CORIN: variants seen among roughly 807,000 people sequenced by gnomAD.
CORIN encodes atrial natriuretic peptide-converting enzyme.
CORIN carries 117 observed loss-of-function variants against 125.3 expected under a neutral mutation model. The ratio of observed to expected loss-of-function variants is 0.93; its 90% confidence interval spans 0.80 to 1.09. CORIN has a LOEUF of 1.09. Among genes scored for constraint, CORIN ranks in the 50% least tolerant of loss-of-function variants. The pLI, the probability that CORIN is intolerant of heterozygous loss-of-function variation, is 0.00. For missense variants in CORIN, 1,253 were observed against 1,306.7 expected, an observed-to-expected ratio of 0.96 and a Z score of 0.63; for synonymous variants, 450 against 466.4, an observed-to-expected ratio of 0.96 and a Z score of 0.45.
intron 5 of CORIN, among the ~76,000 whole-genome samples, chr4:47,705,413 G>A (rs1221664401): frequency 6.6e-6 from 1 of 152,198 alleles, no homozygotes; most frequent in African/African-American, 2.4e-5. Flanking sequence ...GGACCCAGAA[G>A]AGTGACAAGT....
rs945378928 is a variant in CORIN, at chr4:47,831,970, G to A, written c.63+5917C>T. 5.9e-5 allele frequency among the ~76,000 whole-genome samples: 9 copies of A among 152,200 alleles called. No individual in the cohort carries two copies. In the East Asian group the frequency reaches 9.6e-4, roughly 16 times the overall value. On this transcript the variant is annotated intron_variant, in intron 1 of 21. Transcript: ENST00000273857. ...GGATGAGTTCAAGAAGGGGTCCTAC[G>A]TAGTGAGGTGGAGTATTAGTTTTTA...
intron 10 of CORIN, among the ~76,000 whole-genome samples, chr4:47,673,097 G>A (rs1050864924): frequency 4.1e-4 from 63 of 152,026 alleles, no homozygotes; most frequent in Non-Finnish European, 5.3e-4. Flanking sequence ...GCAGTGGCTC[G>A]CGCCTGTAAG....
intron 19 of CORIN, 143 bp downstream of exon 19, chr4:47,623,426 CTT>C: frequency 1.2e-6 from 1 of 812,688 alleles, no homozygotes; most frequent in Non-Finnish European, 1.9e-6. Flanking sequence ...GGATAGAAAA[CTT>C]TAGGAAGATA....
At chr4:47,757,391 C>T (rs867028109) in intron 4 of CORIN, among the ~76,000 whole-genome samples, 1 of 151,900 alleles carries the variant, frequency 6.6e-6, no homozygotes, top group Non-Finnish European at 1.5e-5. Context: ...GTCAGAAGTT[C>T]GAGACCAGCC....
chr4:47,761,605 G>GT (rs2109867578), intron 4 of CORIN, among the ~76,000 whole-genome samples: 1 of 152,214 alleles, frequency 6.6e-6, no homozygotes, highest in South Asian at 2.1e-4. Flanking sequence ...GTTAAGTGGC[G>GT]TAAGTCAGGC....
chr4:47,775,463 G>A (rs1196161856), intron 3 of CORIN, among the ~76,000 whole-genome samples: 1 of 152,070 alleles, frequency 6.6e-6, no homozygotes, highest in Non-Finnish European at 1.5e-5. Context: ...GTGAGAACAT[G>A]GGGTGTTTGG....
intron 2 of CORIN, among the ~76,000 whole-genome samples, chr4:47,793,962 C>T (rs1220251413): frequency 6.6e-6 from 1 of 152,078 alleles, no homozygotes; most frequent in Non-Finnish European, 1.5e-5. Flanking sequence ...TTTAGACTAC[C>T]ATTTCAAAAA....
intron 1 of CORIN, among the ~76,000 whole-genome samples, chr4:47,835,520 G>T (rs2110000533): frequency 1.3e-5 from 2 of 152,278 alleles, no homozygotes; most frequent in South Asian, 4.1e-4. Context: ...AATAAGGAAA[G>T]GAGTACCTCA....
At chr4:47,690,238 G>A (rs942070944) in intron 6 of CORIN, among the ~76,000 whole-genome samples, 1 of 152,178 alleles carries the variant, frequency 6.6e-6, no homozygotes, top group Non-Finnish European at 1.5e-5. Flanking sequence ...ACAAGGACAA[G>A]TCAAAGGCAG....
intron 10 of CORIN, among the ~76,000 whole-genome samples, chr4:47,666,434 T>C (rs1411757362): frequency 2.0e-5 from 3 of 152,336 alleles, no homozygotes; most frequent in African/African-American, 7.2e-5. Context: ...ATATTGTCTC[T>C]GCCACTGAGG....
chr4:47,629,525 T>A (rs1046728472), intron 16 of CORIN, among the ~76,000 whole-genome samples: 21 of 152,194 alleles, frequency 1.4e-4, no homozygotes, highest in African/African-American at 5.1e-4. Flanking sequence ...TCGACAATTA[T>A]AAAATGATAA....
chr4:47,741,576 CACACAAAA>C (rs1728399422), intron 5 of CORIN, among the ~76,000 whole-genome samples: 2 of 152,002 alleles, frequency 1.3e-5, no homozygotes, highest in African/African-American at 4.8e-5. Flanking sequence ...ACAGTATGTC[CACACAAAA>C]ACACAAAATC....
chr4:47,654,332 T>C (rs73142019), intron 12 of CORIN, among the ~76,000 whole-genome samples: 27 of 139,684 alleles, frequency 1.9e-4, no homozygotes, highest in African/African-American at 6.6e-4. Context: ...CTGAACAGCA[T>C]CCACACAAAA....
chr4:47,752,227 T>C lies in CORIN; in HGVS notation c.618-7644A>G, dbSNP rs1728934933. On this transcript the variant is annotated intron_variant, in intron 4 of 21. Transcript: ENST00000273857. ...CCTGCTTTGCTATTTTCATTGCACTTATCACTATCCGCTAAACGAGTATTT... is the reference window on the plus strand; with the variant it reads ...CCTGCTTTGCTATTTTCATTGCACTCATCACTATCCGCTAAACGAGTATTT... Among the ~76,000 whole-genome samples, 4 of 152,166 alleles carry C rather than the reference T, an allele frequency of 2.6e-5. No individual in the cohort carries two copies. In the South Asian group the frequency reaches 8.3e-4, roughly 32 times the overall value.
At chr4:47,744,369 C>A (rs1264950036) in intron 5 of CORIN, 33 bp downstream of exon 5, 3 of 1,590,394 alleles carry the variant, frequency 1.9e-6, no homozygotes, top group African/African-American at 1.3e-5. Context: ...CAAATAAAAT[C>A]TTCTAAAAAT....
chr4:47,719,978 C>T (rs1012592919), intron 5 of CORIN, among the ~76,000 whole-genome samples: 49 of 152,122 alleles, frequency 3.2e-4, no homozygotes, highest in Non-Finnish European at 5.4e-4. Context: ...TTATTTGAAT[C>T]GGTTGTAGTA....
At position 47,623,117 on chromosome 4, in the gene CORIN, T is replaced by TATATATATACACAC. The variant is rs141525347; in HGVS notation, c.2540+453_2540+454insGTGTGTATATATAT. On this transcript the variant is annotated intron_variant, in intron 19 of 21. Coordinates refer to ENST00000273857, the MANE Select transcript of CORIN (RefSeq NM_006587.4). Reference sequence around the variant, plus strand: ...CTCTCTATATATATATATATATATATACACACACACACACACTCTCTCTGA... The same window carrying TATATATATACACAC: ...CTCTCTATATATATATATATATATATATATATATACACACACACACACACACACACTCTCTCTGA... Among the ~76,000 whole-genome samples, 179 of 134,402 alleles carry TATATATATACACAC rather than the reference T, an allele frequency of 1.3e-3. 1 individual carries two copies. The highest frequency in any genetic ancestry group is 0.013 in the East Asian group (54 of 4,264). The allele number at this position is 134,402 out of a possible 152,430, so 88.2% of individuals were successfully genotyped here.
rs147242391 is a variant in CORIN at position 47,603,261 on chromosome 4, G to A, written c.2812+136C>T. 6.0e-3 allele frequency: 4,962 copies of A among 829,154 alleles called. 33 individuals carry two copies. The highest frequency in any genetic ancestry group is 7.7e-3 in the Non-Finnish European group (4,105 of 534,356). The allele number at this position is 829,154 out of a possible 1,614,324, so 51.4% of individuals were successfully genotyped here. A position where few individuals can be genotyped will look rare whatever the true frequency, so the allele number is the denominator to read the frequency against. On this transcript the variant is annotated intron_variant, in intron 20 of 21. Transcript: ENST00000273857. ...GAAGGACATGTTTGCTTCCCCTTCC[G>A]CCATGATTGTAGGTTTCCTGAGGCC...
chr4:47,676,110 C>T (rs919348517), intron 9 of CORIN, among the ~76,000 whole-genome samples: 3 of 152,118 alleles, frequency 2.0e-5, no homozygotes, highest in Non-Finnish European at 4.4e-5. Context: ...GTTTCAAAGG[C>T]CTGACTCTTC....
Sources: gnomAD v4.1 joint callset for allele counts (sites outside exome capture counted in the v4.1 genomes callset) on GRCh38, gnomAD v4.1.1 for gene constraint, MANE v1.5 for transcripts, NCBI Gene and HGNC (gene_info 2026-07-23, HGNC 2026-07-21) for gene names.